SH3RF3: variants seen among roughly 807,000 people sequenced by gnomAD.
The protein encoded by SH3RF3 is E3 ubiquitin-protein ligase SH3RF3.
In SH3RF3, 29 loss-of-function variants were observed where a neutral mutation model predicts 66.3. The observed-to-expected ratio is 0.44, with a 90% CI of 0.33 to 0.60. The LOEUF (loss-of-function observed/expected upper bound fraction) is 0.60, where lower values mean the gene tolerates loss of function less well. Among genes scored for constraint, SH3RF3 ranks in the 20% least tolerant of loss-of-function variants. The pLI is 0.04. For missense variants in SH3RF3, 1,194 were observed against 1,190.9 expected (o/e 1.00, Z -0.04); for synonymous variants, 583 against 532.0 (o/e 1.10, Z -1.32).
intron 3 of SH3RF3, among the ~76,000 whole-genome samples, chr2:109,387,972 T>C (rs759469205): frequency 2.9e-4 from 44 of 152,158 alleles, no homozygotes; most frequent in African/African-American, 1.0e-3. Flanking sequence ...CCCACACCAA[T>C]TCCAGGGACT....
chr2:109,288,470 G>A (rs1417810878), intron 1 of SH3RF3, among the ~76,000 whole-genome samples: 1 of 152,216 alleles, frequency 6.6e-6, no homozygotes, highest in Non-Finnish European at 1.5e-5. Context: ...AGCCCACAGA[G>A]ATGTCATTAA....
At chr2:109,162,852 T>C (rs938885045) in intron 1 of SH3RF3, among the ~76,000 whole-genome samples, 1 of 148,700 alleles carries the variant, frequency 6.7e-6, no homozygotes, top group Non-Finnish European at 1.5e-5. Context: ...TTTCTCACCT[T>C]GGTATTGCAG....
chr2:109,146,443 G>A (rs973228772), intron 1 of SH3RF3, among the ~76,000 whole-genome samples: 2 of 152,094 alleles, frequency 1.3e-5, no homozygotes, highest in Non-Finnish European at 2.9e-5. Flanking sequence ...CATCAATTCC[G>A]TGCCAAGAGG....
At chr2:109,258,175 C>T (rs1029951785) in intron 1 of SH3RF3, among the ~76,000 whole-genome samples, 3 of 152,162 alleles carry the variant, frequency 2.0e-5, no homozygotes, top group African/African-American at 4.8e-5. Flanking sequence ...ACGAGGCTTA[C>T]GAAAGAGTAA....
chr2:109,437,813 G>T (rs1044581151), intron 7 of SH3RF3, among the ~76,000 whole-genome samples: 2 of 152,256 alleles, frequency 1.3e-5, no homozygotes, highest in African/African-American at 4.8e-5. Context: ...AGCACATCTT[G>T]GTTGGTGGCT....
intron 5 of SH3RF3, among the ~76,000 whole-genome samples, chr2:109,428,665 T>C (rs1677104952): frequency 6.6e-6 from 1 of 152,252 alleles, no homozygotes; most frequent in Admixed American, 6.5e-5. Flanking sequence ...GAAGGCTCTC[T>C]GATCCTAAAA....
At chr2:109,422,231 G>A (rs1166654248) in intron 5 of SH3RF3, among the ~76,000 whole-genome samples, 1 of 152,228 alleles carries the variant, frequency 6.6e-6, no homozygotes, top group Non-Finnish European at 1.5e-5. Flanking sequence ...TTGCGGGTCT[G>A]CAGAGAATGA....
At chr2:109,346,259 T>A (rs984097712) in intron 1 of SH3RF3, among the ~76,000 whole-genome samples, 8 of 152,214 alleles carry the variant, frequency 5.3e-5, no homozygotes, top group Non-Finnish European at 8.8e-5. Context: ...TGGCTGTTTG[T>A]CAATTTGCCA....
intron 8 of SH3RF3, among the ~76,000 whole-genome samples, chr2:109,462,965 G>A (rs13383960): frequency 0.018 from 2,665 of 152,264 alleles, 75 homozygotes; most frequent in African/African-American, 0.059. Context: ...CCCCTAATGC[G>A]CAGTCACCCT....
chr2:109,367,391 C>T (rs1347665016), intron 2 of SH3RF3, among the ~76,000 whole-genome samples: 1 of 152,174 alleles, frequency 6.6e-6, no homozygotes, highest in African/African-American at 2.4e-5. Flanking sequence ...AAGCAATTCT[C>T]CTGCCTCAGC....
rs935026492 is a variant in SH3RF3 at position 109,375,710 on chromosome 2, A to G, written c.945+4029A>G. 3.3e-5 allele frequency among the ~76,000 whole-genome samples: 5 copies of G among 152,232 alleles called. No homozygotes were observed. In the South Asian group the frequency reaches 1.0e-3, roughly 31 times the overall value. On this transcript the variant is annotated intron_variant, in intron 3 of 9. Transcript: ENST00000309415. ...TCCAGAGTTCTGCCCTCTCTGTGGC[A>G]TGAGTGCCGGGGCTGAGCACCCCTG...
intron 1 of SH3RF3, among the ~76,000 whole-genome samples, chr2:109,209,292 C>T (rs1046333464): frequency 3.9e-5 from 6 of 152,134 alleles, no homozygotes; most frequent in African/African-American, 7.2e-5. Context: ...AGGTCCTGCG[C>T]GGGTGATTTT....
At chr2:109,406,175 A>G (rs1001247407) in intron 4 of SH3RF3, among the ~76,000 whole-genome samples, 2 of 152,142 alleles carry the variant, frequency 1.3e-5, no homozygotes, top group Admixed American at 6.5e-5. Context: ...TCTGGGCATA[A>G]TGGAGTATCA....
rs150679875 is a variant in SH3RF3 at position 109,302,643 on chromosome 2, G to A, written c.574-45031G>A. Among the ~76,000 whole-genome samples, 48 of 152,334 alleles carry A rather than the reference G, an allele frequency of 3.2e-4. No individual in the cohort carries two copies. In the East Asian group the frequency reaches 6.0e-3, roughly 19 times the overall value. ...GGGATTAGCCAGCCCAGGCCGCCAG[G>A]TCTGGCTCGGGATGGCGTGACCTCT... On this transcript the variant is annotated intron_variant, in intron 1 of 9. Transcript: ENST00000309415.
intron 1 of SH3RF3, among the ~76,000 whole-genome samples, chr2:109,300,911 A>G (rs1013807704): frequency 6.6e-6 from 1 of 152,142 alleles, no homozygotes; most frequent in East Asian, 1.9e-4. Flanking sequence ...CAGCTGGGCC[A>G]TGGTTAGAAG....
chr2:109,276,378 T>C (rs1351939279), intron 1 of SH3RF3, among the ~76,000 whole-genome samples: 1 of 152,210 alleles, frequency 6.6e-6, no homozygotes, highest in Non-Finnish European at 1.5e-5. Context: ...ATGTAGCAGC[T>C]GTCACTGGGT....
chr2:109,361,268 A>G (rs1408493057), intron 2 of SH3RF3, among the ~76,000 whole-genome samples: 1 of 152,172 alleles, frequency 6.6e-6, no homozygotes, highest in Non-Finnish European at 1.5e-5. Flanking sequence ...TTCATGAGAT[A>G]TATAGGTCTG....
intron 1 of SH3RF3, among the ~76,000 whole-genome samples, chr2:109,345,189 G>A (rs1468573910): frequency 6.6e-6 from 1 of 152,184 alleles, no homozygotes; most frequent in Non-Finnish European, 1.5e-5. Flanking sequence ...AGCTTTACCT[G>A]CCACACTACC....
chr2:109,404,767 C>A (rs549132183), intron 4 of SH3RF3, among the ~76,000 whole-genome samples: 1 of 152,278 alleles, frequency 6.6e-6, no homozygotes, highest in East Asian at 1.9e-4. Context: ...GCTCGACTCT[C>A]TGCAGTCCGA....
Sources: allele counts gnomAD v4.1 joint callset (sites outside exome capture counted in the v4.1 genomes callset), GRCh38; gene constraint gnomAD v4.1.1; transcripts MANE v1.5; gene names NCBI Gene and HGNC (gene_info 2026-07-23, HGNC 2026-07-21).